The following MAGI1 variants were observed in gnomAD, a reference collection of about 807,000 sequenced individuals.
MAGI1 encodes membrane associated guanylate kinase, WW and PDZ domain containing 1, also known as membrane-associated guanylate kinase, WW and PDZ domain-containing protein 1.
MAGI1 carries 58 observed loss-of-function variants against 139.9 expected under a neutral mutation model. The observed-to-expected ratio is 0.41, with a 90% CI of 0.34 to 0.52. The LOEUF (loss-of-function observed/expected upper bound fraction) is 0.52, where lower values mean the gene tolerates loss of function less well. Among genes scored for constraint, MAGI1 ranks in the 20% least tolerant of loss-of-function variants. The probability of loss-of-function intolerance (pLI) is 0.12; values close to 1 mark genes in which losing one functional copy is unlikely to be tolerated. For missense variants in MAGI1, 1,874 were observed against 1,901.6 expected (o/e 0.99, Z 0.27); for synonymous variants, 812 against 737.9 (o/e 1.10, Z -1.63).
intron 1 of MAGI1, among the ~76,000 whole-genome samples, chr3:65,771,646 G>A (rs1459289508): frequency 2.0e-5 from 3 of 152,080 alleles, no homozygotes; most frequent in Non-Finnish European, 4.4e-5. Context: ...TTTATGTTCT[G>A]CTAGCATTAG....
chr3:65,657,204 TA>T (rs1234294056), intron 1 of MAGI1, among the ~76,000 whole-genome samples: 1 of 151,996 alleles, frequency 6.6e-6, no homozygotes, highest in African/African-American at 2.4e-5. Flanking sequence ...AAAGGCAGGC[TA>T]AGTAAGTGTC....
intron 1 of MAGI1, among the ~76,000 whole-genome samples, chr3:65,909,041 A>G (rs985372914): frequency 2.0e-5 from 3 of 152,244 alleles, no homozygotes; most frequent in African/African-American, 7.2e-5. Flanking sequence ...TGCCAATTCC[A>G]TGCACAATTG....
chr3:65,980,635 G>T (rs748332868), intron 1 of MAGI1, among the ~76,000 whole-genome samples: 1 of 151,786 alleles, frequency 6.6e-6, no homozygotes, highest in Non-Finnish European at 1.5e-5. Flanking sequence ...AGTAGCTGAG[G>T]TGCAGACTGG....
At chr3:65,672,537 G>A (rs1354001893) in intron 1 of MAGI1, among the ~76,000 whole-genome samples, 1 of 152,146 alleles carries the variant, frequency 6.6e-6, no homozygotes. Context: ...AGTGCCTGGG[G>A]TTGTTAAAGT....
chr3:65,781,524 A>T (rs2038932280), intron 1 of MAGI1, among the ~76,000 whole-genome samples: 1 of 152,222 alleles, frequency 6.6e-6, no homozygotes, highest in Non-Finnish European at 1.5e-5. Flanking sequence ...TAGGTTTTTT[A>T]AAACTAAATA....
At chr3:65,669,013 C>T (rs2086697092) in intron 1 of MAGI1, among the ~76,000 whole-genome samples, 1 of 152,100 alleles carries the variant, frequency 6.6e-6, no homozygotes, top group African/African-American at 2.4e-5. Context: ...TCTCGGCTCA[C>T]TGCAACCTCC....
intron 12 of MAGI1, among the ~76,000 whole-genome samples, chr3:65,411,102 C>T (rs1274456024): frequency 6.6e-6 from 1 of 152,040 alleles, no homozygotes; most frequent in Non-Finnish European, 1.5e-5. Context: ...ATCTTTCTAC[C>T]CTAGGTAATA....
intron 1 of MAGI1, among the ~76,000 whole-genome samples, chr3:65,857,189 G>A (rs991918836): frequency 6.7e-6 from 1 of 148,226 alleles, no homozygotes; most frequent in Non-Finnish European, 1.5e-5. Context: ...TTTAGAACAG[G>A]AAACAGAGCT....
At chr3:65,868,379 T>A (rs2059801943) in intron 1 of MAGI1, among the ~76,000 whole-genome samples, 1 of 152,018 alleles carries the variant, frequency 6.6e-6, no homozygotes, top group Non-Finnish European at 1.5e-5. Flanking sequence ...GGAAAACAAA[T>A]CTCAAAGACG....
intron 1 of MAGI1, among the ~76,000 whole-genome samples, chr3:65,988,580 G>A (rs1003492639): frequency 6.6e-6 from 1 of 152,188 alleles, no homozygotes; most frequent in East Asian, 1.9e-4. Flanking sequence ...GAGATACAGT[G>A]AAAGGGAGTC....
intron 1 of MAGI1, among the ~76,000 whole-genome samples, chr3:65,715,294 G>A (rs2032095759): frequency 6.6e-6 from 1 of 152,138 alleles, no homozygotes. Context: ...GTTTTTGCAG[G>A]TCATAAACAT....
intron 1 of MAGI1, among the ~76,000 whole-genome samples, chr3:65,709,459 C>G (rs919966789): frequency 2.0e-5 from 3 of 152,212 alleles, no homozygotes; most frequent in Non-Finnish European, 4.4e-5. Context: ...TGAGGTCTCT[C>G]TTCATCTTTA....
chr3:65,404,404 A>G (rs532733831), intron 12 of MAGI1, among the ~76,000 whole-genome samples: 1 of 152,294 alleles, frequency 6.6e-6, no homozygotes, highest in Admixed American at 6.5e-5. Context: ...TATTACAACA[A>G]ATAAGAAAAC....
chr3:65,701,442 G>A lies in MAGI1; in HGVS notation c.314-79354C>T, dbSNP rs550739205. 7.2e-5 allele frequency among the ~76,000 whole-genome samples: 11 copies of A among 152,192 alleles called. No homozygotes were observed. The East Asian group carries it at 1.7e-3, about 24-fold the overall frequency. ...TAATTTTTGTATTTTTAGTAGAGAC[G>A]GGGTTTCGCCATGTTGGCCAGGCTG... On this transcript the variant is annotated intron_variant, in intron 1 of 22. Coordinates refer to ENST00000402939, the MANE Select transcript of MAGI1 (RefSeq NM_001033057.2).
chr3:65,824,072 A>G (rs1025321917), intron 1 of MAGI1, among the ~76,000 whole-genome samples: 5 of 152,236 alleles, frequency 3.3e-5, no homozygotes, highest in African/African-American at 1.2e-4. Flanking sequence ...AAAACAATCA[A>G]TCAGGTTACT....
At chr3:65,635,067 G>A (rs1390027145) in intron 1 of MAGI1, among the ~76,000 whole-genome samples, 3 of 150,436 alleles carry the variant, frequency 2.0e-5, no homozygotes, top group South Asian at 2.1e-4. Context: ...AACTTTCAAA[G>A]TAAAAAAGTA....
At chr3:65,481,436 T>G (rs969112698) in intron 3 of MAGI1, among the ~76,000 whole-genome samples, 2 of 152,198 alleles carry the variant, frequency 1.3e-5, no homozygotes, top group Non-Finnish European at 2.9e-5. Flanking sequence ...TTTAGGAAAG[T>G]ATGATGGTTA....
chr3:65,991,309 A>G (rs1332416442), intron 1 of MAGI1, among the ~76,000 whole-genome samples: 10 of 145,114 alleles, frequency 6.9e-5, no homozygotes, highest in East Asian at 2.0e-4. Context: ...AAAAAAGGTA[A>G]AAAAAAAAAA....
intron 1 of MAGI1, among the ~76,000 whole-genome samples, chr3:65,641,830 C>T (rs190975945): frequency 1.1e-4 from 17 of 152,306 alleles, no homozygotes; most frequent in Admixed American, 3.3e-4. Context: ...TGATGTCTCT[C>T]ACTGTGGCTC....
Sources: allele counts gnomAD v4.1 joint callset (sites outside exome capture counted in the v4.1 genomes callset), GRCh38; gene constraint gnomAD v4.1.1; transcripts MANE v1.5; gene names NCBI Gene and HGNC (gene_info 2026-07-23, HGNC 2026-07-21).